DHX9: variants seen among roughly 807,000 people sequenced by gnomAD.
DHX9 encodes the protein DExH-box helicase 9.
A neutral mutation model predicts 148.7 loss-of-function variants in DHX9; 27 were observed. The ratio of observed to expected loss-of-function variants is 0.18; its 90% CI spans 0.13 to 0.25. DHX9 has a LOEUF of 0.25. Among genes scored for constraint, DHX9 ranks in the 10% least tolerant of loss-of-function variants. The pLI, the probability that DHX9 is intolerant of heterozygous loss-of-function variation, is 1.00. For missense variants in DHX9, 796 were observed against 1,559.6 expected (o/e 0.51, Z 8.25); for synonymous variants, 529 against 516.6 (o/e 1.02, Z -0.33).
chr1:182,876,371 A>G, intron 17 of DHX9, 76 bp from the exon 18 acceptor site: 2 of 1,559,172 alleles, frequency 1.3e-6, no homozygotes, highest in Non-Finnish European at 8.8e-7. Flanking sequence ...ACTTTCGAAT[A>G]AAAATATGTA....
chr1:182,863,985 C>A (rs1648164404), intron 12 of DHX9, among the ~76,000 whole-genome samples: 1 of 152,152 alleles, frequency 6.6e-6, no homozygotes, highest in African/African-American at 2.4e-5. Context: ...CCAGCCTGGG[C>A]AACATGGCGA....
At chr1:182,875,129 G>A (rs749198579) in intron 16 of DHX9, 175 bp downstream of exon 16, 1 of 644,894 alleles carries the variant, frequency 1.6e-6, no homozygotes, top group Admixed American at 2.1e-5. Flanking sequence ...TCCAGGTTCA[G>A]TGACAAGCTG....
chr1:182,871,225 T>C (rs1287925311), intron 14 of DHX9, among the ~76,000 whole-genome samples: 1 of 152,092 alleles, frequency 6.6e-6, no homozygotes, highest in African/African-American at 2.4e-5. Flanking sequence ...AGAAAAATGA[T>C]CAAAAATACA....
chr1:182,876,408 C>T, intron 17 of DHX9, 39 bp from the exon 18 acceptor site: 1 of 1,588,732 alleles, frequency 6.3e-7, no homozygotes, highest in Non-Finnish European at 8.6e-7. Flanking sequence ...GAAACCAGCT[C>T]CTGTTTTTAG....
At position 182,887,694 on chromosome 1, in the gene DHX9, C is replaced by G. The variant is rs1649399089; in HGVS notation, c.*260C>G. On this transcript the variant is annotated 3_prime_UTR_variant, in exon 28 of 28. Transcript: ENST00000367549. ...GGAGTAAAGATTTGCCTTTAAATAA[C>G]TTGGTATTTTCCTGGCTTTCGTTTA... The G allele has an allele frequency of 5.1e-6, 2 of 388,856 alleles. No homozygotes were observed. Among genetic ancestry groups the G allele is most frequent in the Non-Finnish European group, 9.3e-6 (2 of 214,734 alleles). The allele number at this position is 388,856 out of a possible 1,614,324, so 24.1% of individuals were successfully genotyped here.
intron 14 of DHX9, among the ~76,000 whole-genome samples, chr1:182,871,633 G>A (rs1444885227): frequency 6.6e-6 from 1 of 152,172 alleles, no homozygotes; most frequent in Non-Finnish European, 1.5e-5. Flanking sequence ...AGCCAGATAT[G>A]TGTAAGAGTA....
At chr1:182,877,930 A>T in intron 19 of DHX9, 91 bp from the exon 20 acceptor site, 1 of 1,414,630 alleles carries the variant, frequency 7.1e-7, no homozygotes, top group Non-Finnish European at 9.7e-7. Flanking sequence ...GGCTTTAACT[A>T]CATAGTGGAA....
intron 16 of DHX9, among the ~76,000 whole-genome samples, chr1:182,875,474 T>G (rs1298132338): frequency 6.6e-6 from 1 of 152,026 alleles, no homozygotes; most frequent in African/African-American, 2.4e-5. Flanking sequence ...CAGGGAGCAA[T>G]GAGGGATTTC....
At chr1:182,848,818 A>G (rs999944458) in intron 3 of DHX9, among the ~76,000 whole-genome samples, 1 of 152,210 alleles carries the variant, frequency 6.6e-6, no homozygotes, top group African/African-American at 2.4e-5. Flanking sequence ...ATGATGGCAG[A>G]AGGTGAAGGG....
chr1:182,854,236 C>T, intron 6 of DHX9, 58 bp downstream of exon 6: 2 of 1,448,546 alleles, frequency 1.4e-6, no homozygotes, highest in Admixed American at 2.1e-5. Flanking sequence ...TGGATATTCA[C>T]TGTTGAATAT....
At chr1:182,886,976 C>T (rs900034027) in intron 27 of DHX9, 107 bp from the exon 28 acceptor site, 6 of 1,017,742 alleles carry the variant, frequency 5.9e-6, no homozygotes, top group South Asian at 1.6e-5. Context: ...CATTTGGCTT[C>T]ATTCCCTTTA....
At chr1:182,872,556 C>T in intron 15 of DHX9, 63 bp downstream of exon 15, 2 of 1,498,216 alleles carry the variant, frequency 1.3e-6, no homozygotes, top group Non-Finnish European at 9.0e-7. Context: ...TTTCTTAATC[C>T]TGGAGATTGG....
At chr1:182,847,300 A>T (rs972822167) in intron 3 of DHX9, among the ~76,000 whole-genome samples, 1 of 152,172 alleles carries the variant, frequency 6.6e-6, no homozygotes, top group African/African-American at 2.4e-5. Flanking sequence ...CATTCTGGGC[A>T]TTGGAATATT....
At chr1:182,875,601 A>G (rs922047472) in intron 16 of DHX9, among the ~76,000 whole-genome samples, 2 of 151,784 alleles carry the variant, frequency 1.3e-5, no homozygotes, top group Non-Finnish European at 2.9e-5. Context: ...AATTTGCTAG[A>G]AAACCTAAGA....
intron 23 of DHX9, 36 bp downstream of exon 23, chr1:182,881,461 C>G: frequency 1.9e-6 from 3 of 1,609,652 alleles, no homozygotes; most frequent in Non-Finnish European, 2.5e-6. Context: ...TCTGTAGTTT[C>G]TCATTTGTAT....
At chr1:182,867,834 CAA>C (rs1172102477) in intron 14 of DHX9, among the ~76,000 whole-genome samples, 5 of 152,114 alleles carry the variant, frequency 3.3e-5, no homozygotes, top group African/African-American at 1.2e-4. Context: ...TGGTCCTTGA[CAA>C]AAAAACTGTG....
intron 3 of DHX9, among the ~76,000 whole-genome samples, chr1:182,849,446 T>C (rs1668092079): frequency 6.6e-6 from 1 of 152,238 alleles, no homozygotes; most frequent in South Asian, 2.1e-4. Context: ...AAGAAAAATT[T>C]AAGAATAGTG....
intron 4 of DHX9, 84 bp downstream of exon 4, chr1:182,852,428 A>C (rs1668171130): frequency 1.1e-6 from 1 of 918,680 alleles, no homozygotes; most frequent in Non-Finnish European, 1.6e-6. Flanking sequence ...TTTTGGGTAG[A>C]AAGAACTGCA....
chr1:182,879,511 A>G, intron 21 of DHX9, 101 bp downstream of exon 21: 3 of 1,150,492 alleles, frequency 2.6e-6, no homozygotes, highest in Non-Finnish European at 3.4e-6. Flanking sequence ...ATGAAGATGT[A>G]GTCAACAGGG....
Sources: gnomAD v4.1 joint callset for allele counts (sites outside exome capture counted in the v4.1 genomes callset) on GRCh38, gnomAD v4.1.1 for gene constraint, MANE v1.5 for transcripts, NCBI Gene and HGNC (gene_info 2026-07-23, HGNC 2026-07-21) for gene names.